Variants in CDC42BPA observed in about 807,000 individuals in gnomAD.
CDC42BPA encodes the protein serine/threonine-protein kinase MRCK alpha.
CDC42BPA carries 80 observed loss-of-function variants against 223.5 expected under a neutral mutation model. The ratio of observed to expected loss-of-function variants is 0.36; its 90% CI spans 0.30 to 0.43. CDC42BPA has a LOEUF of 0.43. CDC42BPA is among the 20% of genes least tolerant of loss of function. CDC42BPA has a pLI of 1.00. For synonymous variants in CDC42BPA, 694 were observed against 718.6 expected, an observed-to-expected ratio of 0.97 and a Z score of 0.55; for missense variants, 1,743 against 2,099.9, an observed-to-expected ratio of 0.83 and a Z score of 3.32.
At chr1:227,117,380 G>A (rs1687929684) in intron 12 of CDC42BPA, among the ~76,000 whole-genome samples, 1 of 152,062 alleles carries the variant, frequency 6.6e-6, no homozygotes, top group Admixed American at 6.6e-5. Flanking sequence ...GCAGTGACAT[G>A]ATCATGGCTC....
At chr1:227,070,901 G>A (rs16846942) in intron 20 of CDC42BPA, among the ~76,000 whole-genome samples, 19,859 of 151,722 alleles carry the variant, frequency 0.13, 1,368 homozygotes, top group East Asian at 0.26. Context: ...GTCATCTGGC[G>A]TGCAAGTCAT....
At chr1:227,030,327 C>A (rs1669033665) in intron 29 of CDC42BPA, 81 bp downstream of exon 29, 1 of 825,836 alleles carries the variant, frequency 1.2e-6, no homozygotes, top group South Asian at 1.6e-5. Context: ...AAATCCTGCT[C>A]TTTGTAGAAT....
intron 27 of CDC42BPA, among the ~76,000 whole-genome samples, chr1:227,033,094 A>C (rs1297261212): frequency 6.6e-6 from 1 of 152,308 alleles, no homozygotes; most frequent in East Asian, 1.9e-4. Context: ...TGGAACTAAA[A>C]AATATTATCT....
At chr1:227,264,196 G>A (rs778880516) in intron 1 of CDC42BPA, among the ~76,000 whole-genome samples, 4 of 152,188 alleles carry the variant, frequency 2.6e-5, no homozygotes, top group Non-Finnish European at 4.4e-5. Context: ...TTGAGAGGAT[G>A]TTATTTCACA....
chr1:227,130,535 G>A (rs1656866666), intron 10 of CDC42BPA, among the ~76,000 whole-genome samples: 1 of 152,146 alleles, frequency 6.6e-6, no homozygotes, highest in Non-Finnish European at 1.5e-5. Flanking sequence ...ATTGGGGGTA[G>A]AAAATGGGGA....
At chr1:227,193,074 T>C (rs1289193265) in intron 5 of CDC42BPA, among the ~76,000 whole-genome samples, 7 of 144,600 alleles carry the variant, frequency 4.8e-5, no homozygotes, top group African/African-American at 1.8e-4. Context: ...TTTTTTTTTT[T>C]TTTTTTTTTT....
intron 3 of CDC42BPA, among the ~76,000 whole-genome samples, chr1:227,209,433 C>T (rs909297945): frequency 7.0e-6 from 1 of 142,018 alleles, no homozygotes; most frequent in African/African-American, 2.7e-5. Context: ...CTGTCTTGTG[C>T]CAGTTTTCAA....
intron 2 of CDC42BPA, among the ~76,000 whole-genome samples, chr1:227,229,032 C>T (rs1216237096): frequency 1.3e-5 from 2 of 151,958 alleles, no homozygotes; most frequent in Admixed American, 1.3e-4. Context: ...CTGATGAAAT[C>T]TTATTTTTTG....
chr1:227,070,011 C>T (rs951388419), intron 20 of CDC42BPA, among the ~76,000 whole-genome samples, 158 bp from the exon 21 acceptor site: 2 of 151,858 alleles, frequency 1.3e-5, no homozygotes, highest in African/African-American at 4.8e-5. Context: ...AACTAAAATA[C>T]ACTAGTGTTT....
At chr1:227,202,108 G>C (rs1435018503) in intron 3 of CDC42BPA, among the ~76,000 whole-genome samples, 1 of 152,148 alleles carries the variant, frequency 6.6e-6, no homozygotes, top group East Asian at 1.9e-4. Flanking sequence ...TTAGCCTCCT[G>C]AGTAGCTGGG....
At chr1:227,163,419 C>G (rs1286688210) in intron 5 of CDC42BPA, among the ~76,000 whole-genome samples, 1 of 152,078 alleles carries the variant, frequency 6.6e-6, no homozygotes, top group African/African-American at 2.4e-5. Context: ...ATGAATGCTT[C>G]TCCAGACTAT....
intron 1 of CDC42BPA, among the ~76,000 whole-genome samples, chr1:227,307,026 A>G (rs7556571): frequency 2.8e-4 from 43 of 152,214 alleles, no homozygotes; most frequent in Non-Finnish European, 4.9e-4. Flanking sequence ...TTTCACAGCC[A>G]TGACAATATC....
intron 24 of CDC42BPA, among the ~76,000 whole-genome samples, chr1:227,037,343 A>C: frequency 6.6e-6 from 1 of 152,192 alleles, no homozygotes; most frequent in Non-Finnish European, 1.5e-5. Context: ...TCTCTTCTCA[A>C]TCTACATGTA....
intron 5 of CDC42BPA, among the ~76,000 whole-genome samples, chr1:227,177,566 G>C (rs2150001100): frequency 6.6e-6 from 1 of 152,158 alleles, no homozygotes; most frequent in East Asian, 1.9e-4. Flanking sequence ...TGATGAGCTA[G>C]GTGTGGTTTT....
chr1:227,297,293 T>C (rs970428303), intron 1 of CDC42BPA, among the ~76,000 whole-genome samples: 3 of 152,184 alleles, frequency 2.0e-5, no homozygotes, highest in African/African-American at 7.2e-5. Context: ...TACCAAATGT[T>C]AGCAAGCATG....
chr1:227,235,926 G>A (rs1194555803), intron 2 of CDC42BPA, among the ~76,000 whole-genome samples: 1 of 152,178 alleles, frequency 6.6e-6, no homozygotes, highest in African/African-American at 2.4e-5. Context: ...TTTCTTTCTA[G>A]ATTTGGAATA....
rs1319498908 is a variant in CDC42BPA, at chr1:227,101,228, A to G, written c.2013T>C (p.Ile671=). Residue 671 remains isoleucine (I), a synonymous_variant, in exon 15 of 37, where the codon ATT becomes ATC. Coordinates refer to ENST00000366766, the MANE Select transcript of CDC42BPA (RefSeq NM_001394014.1). ...TGCTGCATACTCCTGGTGAGTAACTAATTTGTTTTTGCTATAGAAATAATA... is the reference window on the plus strand; with the variant it reads ...TGCTGCATACTCCTGGTGAGTAACTGATTTGTTTTTGCTATAGAAATAATA... ...NELEGLKQKQ[I]SYSPGVCSIE... 3 of 1,540,062 alleles carry G rather than the reference A, an allele frequency of 1.9e-6. No homozygotes were observed. The highest frequency in any genetic ancestry group is 2.3e-5 in the East Asian group (1 of 44,056).
At chr1:227,276,479 C>A (rs1164756613) in intron 1 of CDC42BPA, among the ~76,000 whole-genome samples, 1 of 151,280 alleles carries the variant, frequency 6.6e-6, no homozygotes, top group African/African-American at 2.4e-5. Context: ...CGGCCAGCCG[C>A]CCCGTTCGGG....
intron 35 of CDC42BPA, among the ~76,000 whole-genome samples, chr1:227,000,229 A>G (rs1278486161): frequency 6.6e-6 from 1 of 151,996 alleles, no homozygotes; most frequent in Non-Finnish European, 1.5e-5. Flanking sequence ...CTCCATCCCC[A>G]CCACTGGGTT....
Sources: allele counts gnomAD v4.1 joint callset (sites outside exome capture counted in the v4.1 genomes callset), GRCh38; gene constraint gnomAD v4.1.1; transcripts MANE v1.5; gene names NCBI Gene and HGNC (gene_info 2026-07-23, HGNC 2026-07-21).